Variants in SORCS2 observed in about 807,000 individuals in gnomAD.
SORCS2 encodes the protein VPS10 domain-containing receptor SorCS2.
Under a neutral mutation model 141.6 loss-of-function variants are expected in SORCS2, and 100 were observed. That is an observed-to-expected ratio of 0.71 (90% CI 0.60 to 0.83). The LOEUF (loss-of-function observed/expected upper bound fraction) is 0.83, where lower values mean the gene tolerates loss of function less well. SORCS2 is among the 40% of genes least tolerant of loss of function. The pLI, the probability that SORCS2 is intolerant of heterozygous loss-of-function variation, is 0.00. For synonymous variants in SORCS2, 789 were observed against 676.9 expected (o/e 1.17, Z -2.57); for missense variants, 1,646 against 1,560.2 (o/e 1.05, Z -0.93).
intron 2 of SORCS2, among the ~76,000 whole-genome samples, chr4:7,450,534 G>A (rs932795722): frequency 3.9e-5 from 6 of 152,170 alleles, no homozygotes; most frequent in Non-Finnish European, 5.9e-5. Flanking sequence ...ACCTTGCCCC[G>A]CAGGACTCAC....
At chr4:7,496,457 C>CGTCCCCT (rs1731630501) in intron 2 of SORCS2, among the ~76,000 whole-genome samples, 2 of 77,338 alleles carry the variant, frequency 2.6e-5, no homozygotes, top group Admixed American at 1.6e-4. Context: ...ACCCGTTCCC[C>CGTCCCCT]GTCCCCCGTC....
At chr4:7,691,062 G>C (rs1483372492) in intron 11 of SORCS2, among the ~76,000 whole-genome samples, 2 of 152,200 alleles carry the variant, frequency 1.3e-5, no homozygotes, top group African/African-American at 4.8e-5. Flanking sequence ...AGCATCTCCT[G>C]CAGACACTGA....
chr4:7,328,150 G>A (rs921203784), intron 1 of SORCS2, among the ~76,000 whole-genome samples: 6 of 149,364 alleles, frequency 4.0e-5, no homozygotes, highest in Admixed American at 2.0e-4. Context: ...CTCAGCCTCC[G>A]GAGTAGCTGG....
intron 8 of SORCS2, among the ~76,000 whole-genome samples, chr4:7,675,222 G>T (rs1224299140): frequency 6.6e-6 from 1 of 152,218 alleles, no homozygotes; most frequent in Non-Finnish European, 1.5e-5. Flanking sequence ...TGAACCCGAA[G>T]CGCTGAGCCC....
At chr4:7,646,886 G>T (rs1721117520) in intron 4 of SORCS2, among the ~76,000 whole-genome samples, 1 of 152,180 alleles carries the variant, frequency 6.6e-6, no homozygotes, top group Non-Finnish European at 1.5e-5. Context: ...AAACCCAGGG[G>T]CGGGAGGCAC....
rs1444561953 is a variant in SORCS2 at position 7,400,286 on chromosome 4, C to G, written c.548+3931C>G. Among the ~76,000 whole-genome samples, 4 of 152,276 alleles carry G rather than the reference C, an allele frequency of 2.6e-5. No individual in the cohort carries two copies. In the East Asian group the frequency reaches 7.7e-4, roughly 29 times the overall value. ...TAAGGGCTTGTGCATGCTACGGCTGCTGCCTGGAGTGCATGTGGCACCAAC... is the reference window on the plus strand; with the variant it reads ...TAAGGGCTTGTGCATGCTACGGCTGGTGCCTGGAGTGCATGTGGCACCAAC... On this transcript the variant is annotated intron_variant, in intron 2 of 26. Transcript: ENST00000507866.
chr4:7,363,341 C>G (rs985162326), intron 1 of SORCS2, among the ~76,000 whole-genome samples: 94 of 152,280 alleles, frequency 6.2e-4, no homozygotes, highest in African/African-American at 2.1e-3. Context: ...TCAATACTAT[C>G]ACCACCACCA....
intron 4 of SORCS2, among the ~76,000 whole-genome samples, chr4:7,650,261 G>A (rs1721347381): frequency 6.6e-6 from 1 of 152,212 alleles, no homozygotes; most frequent in African/African-American, 2.4e-5. Flanking sequence ...CTACTTCCTG[G>A]CGATGTTGTG....
At chr4:7,463,915 A>C (rs1225421352) in intron 2 of SORCS2, among the ~76,000 whole-genome samples, 1 of 152,214 alleles carries the variant, frequency 6.6e-6, no homozygotes, top group Non-Finnish European at 1.5e-5. Flanking sequence ...TGGTGATTTC[A>C]AACAGGCACC....
intron 1 of SORCS2, among the ~76,000 whole-genome samples, chr4:7,234,687 T>C (rs1331265125): frequency 6.6e-6 from 1 of 152,232 alleles, no homozygotes; most frequent in Admixed American, 6.5e-5. Context: ...TCCCAGCAGC[T>C]CACGTAGGCT....
At chr4:7,460,070 C>T (rs1206416123) in intron 2 of SORCS2, 1 of 141,174 alleles carries the variant, frequency 7.1e-6, no homozygotes, top group Non-Finnish European at 1.5e-5. Context: ...GCCTGGCGCT[C>T]CTCTACCTTG....
chr4:7,250,953 G>A (rs1713468378), intron 1 of SORCS2, among the ~76,000 whole-genome samples: 1 of 152,248 alleles, frequency 6.6e-6, no homozygotes, highest in South Asian at 2.1e-4. Context: ...AGGCAACGAG[G>A]AATTCTGGTG....
At chr4:7,462,679 C>T (rs1427155066) in intron 2 of SORCS2, among the ~76,000 whole-genome samples, 1 of 151,794 alleles carries the variant, frequency 6.6e-6, no homozygotes, top group African/African-American at 2.4e-5. Context: ...CGACCTCAGT[C>T]CCTGGCTCTG....
chr4:7,234,229 A>C (rs1435339966), intron 1 of SORCS2, among the ~76,000 whole-genome samples: 1 of 152,204 alleles, frequency 6.6e-6, no homozygotes, highest in Non-Finnish European at 1.5e-5. Flanking sequence ...GCTGGGTCTG[A>C]GCTGCCTGGG....
rs954552967 is a variant in SORCS2, at chr4:7,259,029, C to T, written c.480+65903C>T. ...TCTTTGTAGATTCTGGATATTAGCC[C>T]TTTGTCAGATGGATAGATTGCAAAA... is the stretch of plus-strand genomic sequence containing the variant. On this transcript the variant is annotated intron_variant, in intron 1 of 26. Transcript: ENST00000507866. 4.6e-5 allele frequency among the ~76,000 whole-genome samples: 7 copies of T among 152,078 alleles called. No homozygotes were observed. The East Asian group carries it at 1.3e-3, about 29-fold the overall frequency.
At chr4:7,353,387 C>T (rs920892990) in intron 1 of SORCS2, among the ~76,000 whole-genome samples, 1 of 152,170 alleles carries the variant, frequency 6.6e-6, no homozygotes, top group Admixed American at 6.5e-5. Flanking sequence ...GCTCCTGGTT[C>T]CACACTGAAC....
At chr4:7,447,735 G>A (rs1339851970) in intron 2 of SORCS2, among the ~76,000 whole-genome samples, 2 of 152,182 alleles carry the variant, frequency 1.3e-5, no homozygotes, top group Admixed American at 6.5e-5. Context: ...GCTGCTCTTG[G>A]AAGACGGAGC....
At chr4:7,481,892 G>A (rs1029380239) in intron 2 of SORCS2, among the ~76,000 whole-genome samples, 10 of 104,288 alleles carry the variant, frequency 9.6e-5, no homozygotes, top group Non-Finnish European at 2.1e-4. Context: ...ACCTGACGCC[G>A]TTCAGACCTG....
At chr4:7,413,231 CCT>C (rs1450595407) in intron 2 of SORCS2, among the ~76,000 whole-genome samples, 6 of 151,962 alleles carry the variant, frequency 3.9e-5, no homozygotes, top group Non-Finnish European at 7.4e-5. Flanking sequence ...AAAACAATCC[CCT>C]GTGTTAACCC....
Sources: gnomAD v4.1 joint callset for allele counts (sites outside exome capture counted in the v4.1 genomes callset) on GRCh38, gnomAD v4.1.1 for gene constraint, MANE v1.5 for transcripts, NCBI Gene and HGNC (gene_info 2026-07-23, HGNC 2026-07-21) for gene names.